The following BBX variants were observed in gnomAD, a reference collection of about 807,000 sequenced individuals.
BBX encodes BBX high mobility group box domain containing.
BBX carries 30 observed loss-of-function variants against 100.2 expected under a neutral mutation model. That is an observed-to-expected ratio of 0.30 (90% CI 0.22 to 0.41). The LOEUF (loss-of-function observed/expected upper bound fraction) is 0.41. Among genes scored for constraint, BBX ranks in the 10% least tolerant of loss-of-function variants. BBX has a pLI of 1.00. For synonymous variants in BBX, 376 were observed against 388.1 expected (o/e 0.97, Z 0.37); for missense variants, 1,023 against 1,129.8 (o/e 0.91, Z 1.35).
chr3:107,655,941 C>G (rs908144322), intron 3 of BBX, among the ~76,000 whole-genome samples: 1 of 152,070 alleles, frequency 6.6e-6, no homozygotes, highest in Non-Finnish European at 1.5e-5. Flanking sequence ...ACCTCGTGAT[C>G]CGCCCATCTT....
intron 5 of BBX, among the ~76,000 whole-genome samples, chr3:107,721,436 C>G (rs2062520782): frequency 6.6e-6 from 1 of 151,946 alleles, no homozygotes; most frequent in African/African-American, 2.4e-5. Context: ...TCTCCTCCGT[C>G]AGCCCCTTTT....
At chr3:107,643,001 C>T (rs1038132545) in intron 2 of BBX, among the ~76,000 whole-genome samples, 1 of 152,242 alleles carries the variant, frequency 6.6e-6, no homozygotes, top group African/African-American at 2.4e-5. Flanking sequence ...TGGGCAGCAT[C>T]GTTACCTCGG....
At chr3:107,572,816 T>C (rs2051470940) in intron 2 of BBX, among the ~76,000 whole-genome samples, 1 of 152,182 alleles carries the variant, frequency 6.6e-6, no homozygotes, top group Non-Finnish European at 1.5e-5. Context: ...CATGAAGAGA[T>C]ATTGTTAAGT....
intron 2 of BBX, among the ~76,000 whole-genome samples, chr3:107,537,575 C>T (rs2048586607): frequency 6.6e-6 from 1 of 152,140 alleles, no homozygotes; most frequent in Admixed American, 6.5e-5. Context: ...TTAGGTTTTC[C>T]AGGATGTCTT....
intron 5 of BBX, among the ~76,000 whole-genome samples, chr3:107,726,454 C>T (rs2062943377): frequency 8.0e-6 from 1 of 125,396 alleles, no homozygotes; most frequent in Non-Finnish European, 1.8e-5. Context: ...AACTCTTCCA[C>T]TCAATTTATA....
At chr3:107,604,036 G>A (rs549237432) in intron 2 of BBX, among the ~76,000 whole-genome samples, 1 of 152,132 alleles carries the variant, frequency 6.6e-6, no homozygotes, top group African/African-American at 2.4e-5. Context: ...TCTTTACCGT[G>A]GTCATTCTCA....
At chr3:107,686,726 C>G (rs1409845758) in intron 3 of BBX, among the ~76,000 whole-genome samples, 1 of 152,128 alleles carries the variant, frequency 6.6e-6, no homozygotes, top group African/African-American at 2.4e-5. Context: ...AGGAGGCCCA[C>G]AATTTAAAGG....
In BBX at chr3:107,716,675, G is replaced by A. The variant is rs760384793; in HGVS notation, c.231G>A (p.Glu77=). The A allele has an allele frequency of 5.0e-6, 8 of 1,613,736 alleles. No homozygotes were observed. The highest frequency in any genetic ancestry group is 6.8e-6 in the Non-Finnish European group (8 of 1,179,822). ...VGETEDDESP[E]QRARRPMNAF... is the part of the protein sequence containing the mutation. Reference sequence around the variant, plus strand: ...AAACTGAAGATGATGAATCACCAGAGCAGCGAGCCCGGAGACCAATGAATG... The same window carrying A: ...AAACTGAAGATGATGAATCACCAGAACAGCGAGCCCGGAGACCAATGAATG... Residue 77 remains glutamate (E), a synonymous_variant, in exon 5 of 18, where the codon GAG becomes GAA. Coordinates refer to ENST00000325805, the MANE Select transcript of BBX (RefSeq NM_001142568.3).
chr3:107,543,119 G>T (rs1255029582), intron 2 of BBX, among the ~76,000 whole-genome samples: 1 of 152,156 alleles, frequency 6.6e-6, no homozygotes, highest in Non-Finnish European at 1.5e-5. Flanking sequence ...ATATAAAAAA[G>T]AAAATAGGTT....
chr3:107,712,536 A>G (rs985750116), intron 4 of BBX, among the ~76,000 whole-genome samples: 1 of 152,120 alleles, frequency 6.6e-6, no homozygotes, highest in Non-Finnish European at 1.5e-5. Context: ...CTTCACATCC[A>G]TCCATTAGCA....
At chr3:107,757,314 C>T (rs1416381131) in intron 10 of BBX, among the ~76,000 whole-genome samples, 1 of 151,824 alleles carries the variant, frequency 6.6e-6, no homozygotes, top group Non-Finnish European at 1.5e-5. Flanking sequence ...AAAAGGATTC[C>T]TTATTAAATC....
chr3:107,525,711 G>T (rs1477384126), intron 1 of BBX, among the ~76,000 whole-genome samples: 1 of 152,090 alleles, frequency 6.6e-6, no homozygotes, highest in East Asian at 1.9e-4. Flanking sequence ...CCCCGACCTC[G>T]CAGACCTGGT....
At chr3:107,559,587 G>C (rs1403973013) in intron 2 of BBX, among the ~76,000 whole-genome samples, 1 of 152,178 alleles carries the variant, frequency 6.6e-6, no homozygotes, top group Non-Finnish European at 1.5e-5. Flanking sequence ...AAGATGTCAA[G>C]CAAGTACTGG....
At chr3:107,681,229 C>T (rs971895559) in intron 3 of BBX, among the ~76,000 whole-genome samples, 5 of 152,134 alleles carry the variant, frequency 3.3e-5, no homozygotes, top group African/African-American at 1.2e-4. Context: ...AAAATATTTA[C>T]GTCCACCAAG....
At chr3:107,640,271 C>A (rs974437717) in intron 2 of BBX, among the ~76,000 whole-genome samples, 1 of 152,192 alleles carries the variant, frequency 6.6e-6, no homozygotes, top group African/African-American at 2.4e-5. Context: ...GAGCAAATCA[C>A]ATTGCTTTCT....
At chr3:107,654,012 G>A (rs1451875804) in intron 3 of BBX, among the ~76,000 whole-genome samples, 7 of 152,140 alleles carry the variant, frequency 4.6e-5, no homozygotes, top group Non-Finnish European at 8.8e-5. Context: ...GCCTTCAATA[G>A]AGTTTTTGAA....
At chr3:107,670,998 T>C (rs964364300) in intron 3 of BBX, among the ~76,000 whole-genome samples, 8 of 152,134 alleles carry the variant, frequency 5.3e-5, no homozygotes, top group African/African-American at 1.9e-4. Flanking sequence ...TTAGTTGTGT[T>C]CTGAGATTTA....
At chr3:107,633,366 A>G (rs1439693516) in intron 2 of BBX, among the ~76,000 whole-genome samples, 1 of 152,174 alleles carries the variant, frequency 6.6e-6, no homozygotes. Context: ...TAAATTAGAA[A>G]CTAGCATATG....
At chr3:107,642,777 CCATGCA>C (rs2057294854) in intron 2 of BBX, among the ~76,000 whole-genome samples, 1 of 151,924 alleles carries the variant, frequency 6.6e-6, no homozygotes, top group Non-Finnish European at 1.5e-5. Flanking sequence ...GGCATGTGTA[CCATGCA>C]TGGTATCATG....
Sources: allele counts gnomAD v4.1 joint callset (sites outside exome capture counted in the v4.1 genomes callset), GRCh38; gene constraint gnomAD v4.1.1; transcripts MANE v1.5; gene names NCBI Gene and HGNC (gene_info 2026-07-23, HGNC 2026-07-21).